PTPRT: variants seen among roughly 807,000 people sequenced by gnomAD.
The protein encoded by PTPRT is protein tyrosine phosphatase receptor type T.
PTPRT carries 56 observed loss-of-function variants against 176.8 expected under a neutral mutation model. That is an observed-to-expected ratio of 0.32 (90% CI 0.26 to 0.40). PTPRT has a LOEUF of 0.40. PTPRT is among the 10% of genes least tolerant of loss of function. The pLI, the probability that PTPRT is intolerant of heterozygous loss-of-function variation, is 1.00. For missense variants in PTPRT, 1,540 were observed against 1,908.2 expected, an observed-to-expected ratio of 0.81 and a Z score of 3.60; for synonymous variants, 783 against 739.0, an observed-to-expected ratio of 1.06 and a Z score of -0.96.
chr20:42,980,779 C>T (rs1983229371), intron 1 of PTPRT, among the ~76,000 whole-genome samples: 1 of 152,200 alleles, frequency 6.6e-6, no homozygotes, highest in African/African-American at 2.4e-5. Context: ...AGAGCGTCTA[C>T]TTTAGAAAAC....
intron 6 of PTPRT, among the ~76,000 whole-genome samples, chr20:42,690,051 T>C (rs1366566440): frequency 6.6e-6 from 1 of 152,104 alleles, no homozygotes; most frequent in African/African-American, 2.4e-5. Flanking sequence ...AATCAAATCA[T>C]GATCTTGGTC....
intron 7 of PTPRT, among the ~76,000 whole-genome samples, chr20:42,648,820 G>GTTGTT (rs1310734163): frequency 8.9e-6 from 1 of 111,834 alleles, no homozygotes; most frequent in African/African-American, 3.7e-5. Context: ...TGGTGTCGTT[G>GTTGTT]TTTTTTTTTT....
intron 2 of PTPRT, among the ~76,000 whole-genome samples, chr20:42,882,266 AG>A (rs1395109678): frequency 6.6e-6 from 1 of 152,226 alleles, no homozygotes; most frequent in Non-Finnish European, 1.5e-5. Flanking sequence ...AGGCACACAG[AG>A]CTGCTGAAAT....
At chr20:42,545,982 A>C (rs1449526973) in intron 7 of PTPRT, among the ~76,000 whole-genome samples, 1 of 152,212 alleles carries the variant, frequency 6.6e-6, no homozygotes, top group Admixed American at 6.5e-5. Context: ...CTATATCTAT[A>C]AATAGTTATA....
chr20:42,089,111 AGTGTGT>A (rs112894271), intron 27 of PTPRT, among the ~76,000 whole-genome samples: 1 of 148,528 alleles, frequency 6.7e-6, no homozygotes, highest in South Asian at 2.1e-4. Context: ...AGTGTGTGTG[AGTGTGT>A]GTGTGTGTGT....
intron 14 of PTPRT, among the ~76,000 whole-genome samples, chr20:42,246,711 AAG>A (rs2056457963): frequency 6.6e-6 from 1 of 152,238 alleles, no homozygotes; most frequent in African/African-American, 2.4e-5. Context: ...AGGCTTTAGA[AAG>A]AGCAAAATTG....
At chr20:42,893,652 A>C (rs2079236435) in intron 1 of PTPRT, among the ~76,000 whole-genome samples, 1 of 151,970 alleles carries the variant, frequency 6.6e-6, no homozygotes, top group Non-Finnish European at 1.5e-5. Context: ...GAAATGTGGC[A>C]CATATACACC....
intron 7 of PTPRT, among the ~76,000 whole-genome samples, chr20:42,619,056 C>T (rs1004996236): frequency 6.7e-6 from 1 of 149,798 alleles, no homozygotes; most frequent in African/African-American, 2.5e-5. Context: ...TACATTTTGG[C>T]ATGATTTTGC....
rs530838400 is a variant in PTPRT at position 42,126,743 on chromosome 20, G to T, written c.2847+2011C>A. On this transcript the variant is annotated intron_variant, in intron 19 of 30. Coordinates refer to ENST00000373187, the MANE Select transcript of PTPRT (RefSeq NM_007050.6). ...TTAGGTCAGAGACCTGGTCTTAAAA[G>T]TCAGTATTTCCCATACACAGTGGAG... is the stretch of plus-strand genomic sequence containing the variant. Among the ~76,000 whole-genome samples, 10 of 152,322 alleles carry T rather than the reference G, an allele frequency of 6.6e-5. 1 individual carries two copies. The highest frequency in any genetic ancestry group is 2.4e-4 in the African/African-American group (10 of 41,568).
At chr20:42,816,930 T>A (rs1397283392) in intron 2 of PTPRT, among the ~76,000 whole-genome samples, 2 of 152,224 alleles carry the variant, frequency 1.3e-5, no homozygotes, top group Non-Finnish European at 2.9e-5. Context: ...AAAACAAGGA[T>A]GACAATGTCA....
At chr20:42,638,851 C>G (rs532747638) in intron 7 of PTPRT, among the ~76,000 whole-genome samples, 39 of 152,008 alleles carry the variant, frequency 2.6e-4, no homozygotes, top group Admixed American at 1.4e-3. Flanking sequence ...ACTGTTTTCC[C>G]ACACATTAGA....
intron 7 of PTPRT, among the ~76,000 whole-genome samples, chr20:42,538,418 T>A (rs1346315948): frequency 2.6e-5 from 4 of 152,244 alleles, no homozygotes; most frequent in African/African-American, 9.6e-5. Flanking sequence ...AAATCTCATG[T>A]CCCCTGTTGG....
intron 7 of PTPRT, among the ~76,000 whole-genome samples, chr20:42,640,799 T>C (rs1352102826): frequency 6.6e-6 from 1 of 152,160 alleles, no homozygotes; most frequent in African/African-American, 2.4e-5. Context: ...GGGCTGCCTC[T>C]GTGTCAGTCA....
At chr20:42,414,454 A>C (rs1386594906) in intron 9 of PTPRT, among the ~76,000 whole-genome samples, 2 of 152,212 alleles carry the variant, frequency 1.3e-5, no homozygotes, top group African/African-American at 4.8e-5. Context: ...CCTGTTTTTA[A>C]AAAGGAGGTA....
chr20:43,043,837 G>T (rs1349172294), intron 1 of PTPRT, among the ~76,000 whole-genome samples: 3 of 152,174 alleles, frequency 2.0e-5, no homozygotes, highest in Admixed American at 6.5e-5. Context: ...ATACTGTGAA[G>T]AAGATGATTT....
intron 15 of PTPRT, among the ~76,000 whole-genome samples, chr20:42,206,949 AC>A (rs1395573653): frequency 6.6e-6 from 1 of 152,192 alleles, no homozygotes; most frequent in Non-Finnish European, 1.5e-5. Flanking sequence ...AGATCTGAGA[AC>A]CTGCAGACTG....
chr20:43,151,333 A>G (rs927273436), intron 1 of PTPRT, among the ~76,000 whole-genome samples: 3 of 151,190 alleles, frequency 2.0e-5, no homozygotes, highest in African/African-American at 7.3e-5. Flanking sequence ...AAAAAAAAAA[A>G]AAGGCATGGA....
chr20:42,796,453 C>T (rs971012147), intron 2 of PTPRT, among the ~76,000 whole-genome samples: 6 of 152,190 alleles, frequency 3.9e-5, no homozygotes, highest in Admixed American at 3.9e-4. Flanking sequence ...ACCCAACCTA[C>T]TCATTTTATA....
chr20:43,066,607 A>T (rs1317967380), intron 1 of PTPRT, among the ~76,000 whole-genome samples: 3 of 152,024 alleles, frequency 2.0e-5, no homozygotes, highest in Non-Finnish European at 4.4e-5. Flanking sequence ...ACTTCCCCCC[A>T]TCCACCCATT....
Sources: allele counts gnomAD v4.1 joint callset (sites outside exome capture counted in the v4.1 genomes callset), GRCh38; gene constraint gnomAD v4.1.1; transcripts MANE v1.5; gene names NCBI Gene and HGNC (gene_info 2026-07-23, HGNC 2026-07-21).